Variants in PDE12 observed in about 807,000 individuals in gnomAD.
PDE12 encodes the protein 2',5'-phosphodiesterase 12.
In PDE12, 26 loss-of-function variants were observed where a neutral mutation model predicts 45.4. The observed-to-expected ratio is 0.57, with a 90% CI of 0.42 to 0.79. The LOEUF (loss-of-function observed/expected upper bound fraction) is 0.79, where lower values mean the gene tolerates loss of function less well. PDE12 is among the 30% of genes least tolerant of loss of function. PDE12 has a pLI of 0.00. For synonymous variants in PDE12, 283 were observed against 323.9 expected (o/e 0.87, Z 1.36); for missense variants, 668 against 790.0 (o/e 0.85, Z 1.85).
the PDE12 span, among the ~76,000 whole-genome samples, chr3:57,614,544 GTTT>G: frequency 5.8e-5 from 7 of 121,320 alleles, no homozygotes; most frequent in African/African-American, 2.0e-4. Context: ...TTTGTTTTTT[GTTT>G]TTTTTTTTTT....
chr3:57,642,253 G>T, the PDE12 span, among the ~76,000 whole-genome samples: 3 of 147,632 alleles, frequency 2.0e-5, no homozygotes, highest in Non-Finnish European at 3.0e-5. Context: ...GGCGGAGGTT[G>T]CAGTGAGCTG....
the PDE12 span, among the ~76,000 whole-genome samples, chr3:57,594,236 A>C: frequency 1.3e-5 from 2 of 152,330 alleles, no homozygotes; most frequent in Non-Finnish European, 1.5e-5. Flanking sequence ...AAAAAAATAA[A>C]CAAAATAAAA....
chr3:57,606,143 T>C, the PDE12 span, among the ~76,000 whole-genome samples: 9 of 152,058 alleles, frequency 5.9e-5, no homozygotes, highest in Non-Finnish European at 1.0e-4. Flanking sequence ...CTTTACTAAG[T>C]CCAAGCACAA....
At chr3:57,588,223 C>T in the PDE12 span, among the ~76,000 whole-genome samples, 1 of 152,216 alleles carries the variant, frequency 6.6e-6, no homozygotes, top group Non-Finnish European at 1.5e-5. Flanking sequence ...TTCTCCTTAA[C>T]TAGACCTGCA....
the PDE12 span, among the ~76,000 whole-genome samples, chr3:57,603,448 G>C: frequency 6.7e-6 from 1 of 150,352 alleles, no homozygotes; most frequent in Non-Finnish European, 1.5e-5. Flanking sequence ...AGTGATTCTT[G>C]TGCCTCAGCC....
chr3:57,614,178 AAC>A, the PDE12 span, among the ~76,000 whole-genome samples: 1 of 152,234 alleles, frequency 6.6e-6, no homozygotes, highest in East Asian at 1.9e-4. Flanking sequence ...ACATTTATAA[AAC>A]ACTCCACCCA....
At chr3:57,612,149 C>T in the PDE12 span, among the ~76,000 whole-genome samples, 1 of 148,802 alleles carries the variant, frequency 6.7e-6, no homozygotes, top group South Asian at 2.1e-4. Context: ...GGACAAAAAA[C>T]CAAACATCGT....
chr3:57,579,035 G>A, the PDE12 span, among the ~76,000 whole-genome samples: 1 of 151,770 alleles, frequency 6.6e-6, no homozygotes, highest in African/African-American at 2.4e-5. Flanking sequence ...GGTGGCTTTC[G>A]CCTGTAATCC....
At chr3:57,628,134 A>G in the PDE12 span, 1 of 1,540,218 alleles carries the variant, frequency 6.5e-7, no homozygotes, top group Non-Finnish European at 8.8e-7. Context: ...CCACTGAGAG[A>G]TCTCCTTTGT....
At chr3:57,592,052 G>T in the PDE12 span, among the ~76,000 whole-genome samples, 12 of 152,116 alleles carry the variant, frequency 7.9e-5, no homozygotes, top group East Asian at 2.3e-3. Context: ...AAACTTTATG[G>T]TCTATGTATT....
chr3:57,615,101 C>T, the PDE12 span, among the ~76,000 whole-genome samples: 7 of 151,616 alleles, frequency 4.6e-5, no homozygotes, highest in Admixed American at 2.0e-4. Flanking sequence ...TTAGTAGAGA[C>T]GGGGTTTCAC....
the PDE12 span, chr3:57,630,417 G>C: frequency 1.7e-5 from 27 of 1,577,236 alleles, no homozygotes; most frequent in African/African-American, 2.9e-4. Context: ...CACAGTTTTC[G>C]AACCTCTTCA....
chr3:57,589,977 G>A, the PDE12 span, among the ~76,000 whole-genome samples: 3 of 150,294 alleles, frequency 2.0e-5, no homozygotes, highest in African/African-American at 7.3e-5. Context: ...TGTAATCCCA[G>A]CTACTCGGGA....
At chr3:57,638,444 G>C in the PDE12 span, among the ~76,000 whole-genome samples, 2 of 151,744 alleles carry the variant, frequency 1.3e-5, no homozygotes, top group Non-Finnish European at 2.9e-5. Context: ...GATCACCTGA[G>C]GTCAGGAGTT....
rs975684476 is a variant in PDE12 at position 57,566,629 on chromosome 3, T to TA, written c.*6626dup. ...CCCTCCATCCTCATTAACACTTTATTATCTTTTTGATTATAGGCATCCTAG... is the reference window on the plus strand; with the variant it reads ...CCCTCCATCCTCATTAACACTTTATTAATCTTTTTGATTATAGGCATCCTAG... On this transcript the variant is annotated 3_prime_UTR_variant, in exon 3 of 3. Transcript: ENST00000311180. 1.8e-4 allele frequency: 27 copies of TA among 152,288 alleles called. No individual in the cohort carries two copies. The highest frequency in any genetic ancestry group is 6.5e-4 in the African/African-American group (27 of 41,560). The allele number at this position is 152,288 out of a possible 1,614,324, so 9.4% of individuals were successfully genotyped here.
At chr3:57,628,733 A>G in the PDE12 span, 155 of 1,449,532 alleles carry the variant, frequency 1.1e-4, no homozygotes, top group South Asian at 1.6e-3. Context: ...GCGAACTATC[A>G]TGGGTTGTCA....
At chr3:57,614,768 A>T in the PDE12 span, among the ~76,000 whole-genome samples, 1 of 150,938 alleles carries the variant, frequency 6.6e-6, no homozygotes, top group East Asian at 2.0e-4. Flanking sequence ...ATTTTTTTCT[A>T]AAAACACAAA....
the PDE12 span, among the ~76,000 whole-genome samples, chr3:57,595,486 T>A: frequency 2.0e-5 from 3 of 152,132 alleles, no homozygotes; most frequent in African/African-American, 7.2e-5. Flanking sequence ...TCTAAGAAAC[T>A]TTGAAAGAAA....
chr3:57,644,544 G>C, the PDE12 span, among the ~76,000 whole-genome samples: 1 of 150,778 alleles, frequency 6.6e-6, no homozygotes, highest in Non-Finnish European at 1.5e-5. Context: ...CTGGACTTAA[G>C]TGATCTGCCC....
Sources: allele counts gnomAD v4.1 joint callset (sites outside exome capture counted in the v4.1 genomes callset), GRCh38; gene constraint gnomAD v4.1.1; transcripts MANE v1.5; gene names NCBI Gene and HGNC (gene_info 2026-07-23, HGNC 2026-07-21).